The following NUP153 variants were observed in gnomAD, a reference collection of about 807,000 sequenced individuals.
The protein encoded by NUP153 is nuclear pore complex protein Nup153.
In NUP153, 27 loss-of-function variants were observed where a neutral mutation model predicts 134.6. The observed-to-expected ratio is 0.20, with a 90% CI of 0.15 to 0.28. The LOEUF is 0.28. Among genes scored for constraint, NUP153 ranks in the 10% least tolerant of loss-of-function variants. NUP153 has a pLI of 1.00. For missense variants in NUP153, 1,821 were observed against 1,731.3 expected (o/e 1.05, Z -0.92); for synonymous variants, 640 against 623.5 (o/e 1.03, Z -0.40).
intron 5 of NUP153, among the ~76,000 whole-genome samples, chr6:17,671,017 G>C (rs1767875563): frequency 6.6e-6 from 1 of 151,958 alleles, no homozygotes; most frequent in Admixed American, 6.6e-5. Flanking sequence ...CACCATGTTG[G>C]CCAGGCTGGT....
At chr6:17,616,202 A>G in intron 21 of NUP153, 21 bp from the exon 22 acceptor site, 1 of 1,512,378 alleles carries the variant, frequency 6.6e-7, no homozygotes, top group South Asian at 1.1e-5. Flanking sequence ...TAAAAACTTC[A>G]TAATGTGACA....
rs1391330402 is a variant in NUP153, at chr6:17,647,684, GTAT to G, written c.1632+120_1632+122del. The G allele has an allele frequency of 4.5e-6, 3 of 663,672 alleles. 1 individual carries two copies. In the Admixed American group the frequency reaches 8.5e-5, roughly 19 times the overall value. 41.1% of individuals were successfully genotyped at this position (663,672 alleles called of 1,614,324 possible). On this transcript the variant is annotated intron_variant, in intron 13 of 21. Transcript: ENST00000262077. Reference sequence around the variant, plus strand: ...ATTGTTCAAAAGTTTTTTACACAGAGTATTTTTTAAGTTGGAAGAAAAATAACA... The same window carrying G: ...ATTGTTCAAAAGTTTTTTACACAGAGTTTTTAAGTTGGAAGAAAAATAACA...
chr6:17,691,809 C>A (rs1047134197), intron 1 of NUP153, among the ~76,000 whole-genome samples: 1 of 150,616 alleles, frequency 6.6e-6, no homozygotes, highest in Non-Finnish European at 1.5e-5. Flanking sequence ...CTAGCTAAAG[C>A]ACTATAGCAA....
chr6:17,670,669 G>T (rs1454916172), intron 5 of NUP153, among the ~76,000 whole-genome samples: 1 of 152,126 alleles, frequency 6.6e-6, no homozygotes, highest in Non-Finnish European at 1.5e-5. Context: ...TTATCAGGTA[G>T]AAGGATCTCA....
chr6:17,651,637 C>T (rs568880047), intron 11 of NUP153, among the ~76,000 whole-genome samples: 3 of 151,952 alleles, frequency 2.0e-5, no homozygotes, highest in South Asian at 2.1e-4. Flanking sequence ...AGGCTTATTC[C>T]AGTAAGAGTG....
At chr6:17,635,157 T>C (rs1765482584) in intron 16 of NUP153, among the ~76,000 whole-genome samples, 1 of 139,292 alleles carries the variant, frequency 7.2e-6, no homozygotes. Flanking sequence ...TCGCCCAGGC[T>C]GGAGTGCAGT....
chr6:17,656,745 A>G (rs1766842204), intron 11 of NUP153, among the ~76,000 whole-genome samples: 1 of 152,188 alleles, frequency 6.6e-6, no homozygotes, highest in Non-Finnish European at 1.5e-5. Flanking sequence ...TATGTTTATT[A>G]GGAAAGGTTT....
Position 17,632,579 on chromosome 6 carries a change from T to TA in NUP153, c.2659+70dup, listed in dbSNP as rs575397269. The TA allele has an allele frequency of 2.0e-4, 227 of 1,159,832 alleles. 8 individuals are homozygous for TA. In the South Asian group the frequency reaches 3.2e-3, roughly 17 times the overall value. 71.8% of individuals were successfully genotyped at this position (1,159,832 alleles called of 1,614,324 possible). ...AGTGAACACTGAAGCTGTTCTCAAA[T>TA]ACTTCATTTTTAAATGGCCTTACAA... On this transcript the variant is annotated intron_variant, in intron 17 of 21. Transcript: ENST00000262077.
chr6:17,685,548 CAA>C (rs71536744), intron 2 of NUP153, among the ~76,000 whole-genome samples: 227 of 98,662 alleles, frequency 2.3e-3, no homozygotes, highest in African/African-American at 7.0e-3. Context: ...GACTCCGTCT[CAA>C]AAAAAAAAAA....
At chr6:17,656,550 AT>A (rs1195130359) in intron 11 of NUP153, among the ~76,000 whole-genome samples, 1 of 151,860 alleles carries the variant, frequency 6.6e-6, no homozygotes, top group Non-Finnish European at 1.5e-5. Flanking sequence ...AATTTTTGTT[AT>A]TTTTTTGTAC....
intron 17 of NUP153, among the ~76,000 whole-genome samples, chr6:17,632,317 AAAC>A (rs1765295898): frequency 7.1e-6 from 1 of 140,656 alleles, no homozygotes; most frequent in Admixed American, 7.1e-5. Flanking sequence ...ACAAACAAAC[AAAC>A]AAAAAAACAA....
chr6:17,703,338 T>C (rs1463527515), intron 1 of NUP153, among the ~76,000 whole-genome samples: 2 of 152,114 alleles, frequency 1.3e-5, no homozygotes, highest in African/African-American at 4.8e-5. Flanking sequence ...TCATAGGTAC[T>C]GGGTGACTGT....
chr6:17,652,061 A>G (rs959140632), intron 11 of NUP153: 1 of 377,848 alleles, frequency 2.6e-6, no homozygotes, highest in Admixed American at 4.3e-5. Context: ...AAAATAAATA[A>G]ATAAATAAAT....
intron 1 of NUP153, among the ~76,000 whole-genome samples, chr6:17,703,805 T>C (rs1561918746): frequency 6.6e-6 from 1 of 152,142 alleles, no homozygotes; most frequent in African/African-American, 2.4e-5. Context: ...CTAAAATATG[T>C]TTTCTTTTTT....
At chr6:17,676,143 C>T (rs191917746) in intron 2 of NUP153, among the ~76,000 whole-genome samples, 2 of 152,182 alleles carry the variant, frequency 1.3e-5, no homozygotes, top group East Asian at 1.9e-4. Context: ...AAGTTTTACC[C>T]GTATTTTGAT....
intron 1 of NUP153, among the ~76,000 whole-genome samples, chr6:17,705,161 A>G (rs1770398326): frequency 6.6e-6 from 1 of 152,240 alleles, no homozygotes; most frequent in Non-Finnish European, 1.5e-5. Context: ...GTAATCTAGG[A>G]AGTCTACCTT....
At position 17,616,645 on chromosome 6, in the gene NUP153, T is replaced by C; in HGVS notation, c.4225A>G (p.Asn1409Asp). 1 of 1,614,038 alleles carries C rather than the reference T, an allele frequency of 6.2e-7. No individual in the cohort carries two copies. The part of the protein sequence containing the change: ...SSTTNFNFTN[N>D]SPSGVFTFGA... ...AATGTGAACACTCCTGATGGACTGT[T>C]GTTTGTGAAGTTGAAATTTGTAGTG... The change falls in exon 21 of 22, where the codon AAC becomes GAC. Residue 1409 changes from asparagine (N) to aspartate (D), a missense_variant. Physicochemically the swap from Asn to Asp is conservative, Grantham distance 23. Coordinates refer to ENST00000262077, the MANE Select transcript of NUP153 (RefSeq NM_005124.4).
intron 12 of NUP153, among the ~76,000 whole-genome samples, chr6:17,648,487 C>T (rs1003483664): frequency 1.2e-4 from 18 of 152,058 alleles, no homozygotes; most frequent in Admixed American, 7.2e-4. Context: ...CATGGTGGTG[C>T]GCACCTGTAA....
intron 11 of NUP153, among the ~76,000 whole-genome samples, chr6:17,657,794 A>G (rs1449496716): frequency 6.6e-6 from 1 of 152,224 alleles, no homozygotes; most frequent in Non-Finnish European, 1.5e-5. Flanking sequence ...GTTGGTGCAA[A>G]CGTAATTGCA....
Sources: gnomAD v4.1 joint callset for allele counts (sites outside exome capture counted in the v4.1 genomes callset) on GRCh38, gnomAD v4.1.1 for gene constraint, MANE v1.5 for transcripts, NCBI Gene and HGNC (gene_info 2026-07-23, HGNC 2026-07-21) for gene names.